The following POR variants were observed in gnomAD, a reference collection of about 807,000 sequenced individuals.
POR encodes cytochrome p450 oxidoreductase.
Under a neutral mutation model 84.0 loss-of-function variants are expected in POR, and 56 were observed. The ratio of observed to expected loss-of-function variants is 0.67; its 90% CI spans 0.54 to 0.83. The LOEUF is 0.83. Among genes scored for constraint, POR ranks in the 40% least tolerant of loss-of-function variants. The probability of loss-of-function intolerance (pLI) is 0.00; values close to 1 mark genes in which losing one functional copy is unlikely to be tolerated. For missense variants in POR, 938 were observed against 944.3 expected (o/e 0.99, Z 0.09); for synonymous variants, 414 against 400.5 (o/e 1.03, Z -0.40).
At chr7:75,984,753 G>C in intron 10 of POR, 24 bp from the exon 11 acceptor site, 1 of 1,610,298 alleles carries the variant, frequency 6.2e-7, no homozygotes, top group East Asian at 2.2e-5. Flanking sequence ...CCTACCCCAA[G>C]TCCTGCCTGT....
At position 75,985,131 on chromosome 7, in the gene POR, G is replaced by A. The variant is rs554641893; in HGVS notation, c.1322G>A (p.Arg441Gln). The change falls in exon 12 of 16, where the codon CGG (arginine) becomes CAG (glutamine). Residue 441 changes from arginine to glutamine, a missense_variant. By Grantham distance (43) the Arg-to-Gln change is conservative. Coordinates refer to ENST00000461988, the MANE Select transcript of POR (RefSeq NM_000941.3). ...ATCCTGCAGGACTGCCCGTCCCTGCGGCCCCCCATCGACCACCTGTGTGAG... is the reference window on the plus strand; with the variant it reads ...ATCCTGCAGGACTGCCCGTCCCTGCAGCCCCCCATCGACCACCTGTGTGAG... The A allele has an allele frequency of 1.1e-5, 17 of 1,600,028 alleles. No individual in the cohort carries two copies. In the Admixed American group the frequency reaches 1.3e-4, roughly 13 times the overall value.
intron 1 of POR, among the ~76,000 whole-genome samples, chr7:75,928,914 A>G (rs1335337599): frequency 6.6e-6 from 1 of 152,100 alleles, no homozygotes; most frequent in Non-Finnish European, 1.5e-5. Flanking sequence ...GAAATGGAGC[A>G]TTAAGCCCTC....
At position 75,942,562 on chromosome 7, in the gene POR, A is replaced by G. The variant is rs527522587; in HGVS notation, c.-4-11427A>G. Among the ~76,000 whole-genome samples, 5 of 151,390 alleles carry G rather than the reference A, an allele frequency of 3.3e-5. No homozygotes were observed. The East Asian group carries it at 9.7e-4, about 29-fold the overall frequency. On this transcript the variant is annotated intron_variant, in intron 1 of 15. Coordinates refer to ENST00000461988, the MANE Select transcript of POR (RefSeq NM_000941.3). ...TTAGATGAGAGCTGCTCAATTGTAC[A>G]GTTAAATGGATTTTAAAATATGGGA...
chr7:75,939,612 C>CT (rs1451543484), intron 1 of POR, among the ~76,000 whole-genome samples: 10 of 94,724 alleles, frequency 1.1e-4, no homozygotes, highest in African/African-American at 3.5e-4. Context: ...TACTCTTTTT[C>CT]TTTTTTTTTC....
chr7:75,983,183 A>C (rs1011354328), intron 8 of POR: 1 of 235,794 alleles, frequency 4.2e-6, no homozygotes, highest in South Asian at 6.6e-5. Flanking sequence ...TCTAGTAAAA[A>C]TATAAAAGTT....
At chr7:75,980,629 C>T (rs1788962830) in intron 5 of POR, 141 bp downstream of exon 5, 1 of 1,576,712 alleles carries the variant, frequency 6.3e-7, no homozygotes, top group East Asian at 2.3e-5. Flanking sequence ...GTGAGACCCT[C>T]TCCTCTGCCC....
At chr7:75,983,956 C>G in intron 10 of POR, 100 bp downstream of exon 10, 3 of 928,036 alleles carry the variant, frequency 3.2e-6, no homozygotes, top group South Asian at 3.7e-5. Context: ...CCTGAAGCCC[C>G]GGTGCCTGGG....
At chr7:75,949,897 C>T (rs1787339562) in intron 1 of POR, among the ~76,000 whole-genome samples, 1 of 149,742 alleles carries the variant, frequency 6.7e-6, no homozygotes, top group Admixed American at 6.7e-5. Flanking sequence ...CTCGCTCTGT[C>T]GCCCAGGCTG....
chr7:75,980,589 C>A (rs782773287), intron 5 of POR, 101 bp downstream of exon 5: 2 of 1,609,124 alleles, frequency 1.2e-6, no homozygotes, highest in South Asian at 1.1e-5. Context: ...AGACCCCCAC[C>A]CTGTCCTCAG....
chr7:75,977,485 AC>A (rs1447072927), intron 3 of POR, among the ~76,000 whole-genome samples: 16 of 152,148 alleles, frequency 1.1e-4, no homozygotes, highest in African/African-American at 3.9e-4. Flanking sequence ...TATTAGAAAT[AC>A]CTCAGGTGGC....
intron 1 of POR, among the ~76,000 whole-genome samples, chr7:75,929,838 G>A (rs1807323520): frequency 6.6e-6 from 1 of 152,180 alleles, no homozygotes; most frequent in South Asian, 2.1e-4. Context: ...CTATGCACTA[G>A]TAGAAACTCT....
In POR at chr7:75,981,565, G is replaced by A. The variant is rs1554557956; in HGVS notation, c.690G>A (p.Val230=). 5 of 1,613,148 alleles carry A rather than the reference G, an allele frequency of 3.1e-6. No individual in the cohort carries two copies. Among genetic ancestry groups the A allele is most frequent in the South Asian group, 2.2e-5 (2 of 90,986 alleles). Residue 230 remains valine (V), a synonymous_variant, in exon 7 of 16, where the codon GTG becomes GTA. Coordinates refer to ENST00000461988, the MANE Select transcript of POR (RefSeq NM_000941.3). ...GGCGAGAGCAGTTCTGGCCGGCCGTGTGTGAACACTTTGGGGTGGAAGCCA... is the reference window on the plus strand; with the variant it reads ...GGCGAGAGCAGTTCTGGCCGGCCGTATGTGAACACTTTGGGGTGGAAGCCA...
Position 75,950,672 on chromosome 7 carries a change from A to G in POR, c.-4-3317A>G, listed in dbSNP as rs74389242. Among the ~76,000 whole-genome samples the G allele has an allele frequency of 3.4e-3, 517 of 152,358 alleles. 3 individuals are homozygous for G. Among genetic ancestry groups the G allele is most frequent in the African/African-American group, 0.01 (432 of 41,582 alleles). On this transcript the variant is annotated intron_variant, in intron 1 of 15. Transcript: ENST00000461988. ...TCATAAGCTTGACAGAGATCCTGAT[A>G]TGACTAGCATTAAGTAAATATTAAA... is the stretch of plus-strand genomic sequence containing the variant.
Position 75,982,338 on chromosome 7 carries a change from GTGGCT to G in POR, c.830+20_830+24del. ...ACCAGAAGCCGTGAGTGGAGGGAGC[GTGGCT>G]TGGGGCAGACGGCTCTATGGCCACT... On this transcript the variant is annotated intron_variant, in intron 8 of 15. Coordinates refer to ENST00000461988, the MANE Select transcript of POR (RefSeq NM_000941.3). The G allele has an allele frequency of 6.3e-7, 1 of 1,599,270 alleles. No individual in the cohort carries two copies. Among genetic ancestry groups the G allele is most frequent in the Admixed American group, 1.7e-5 (1 of 58,038 alleles).
intron 1 of POR, among the ~76,000 whole-genome samples, chr7:75,947,917 TA>T (rs1787252994): frequency 3.9e-5 from 6 of 151,912 alleles, no homozygotes; most frequent in Non-Finnish European, 8.8e-5. Context: ...GGAAAACGGT[TA>T]AGTTTCTTAA....
chr7:75,980,973 C>T, intron 5 of POR, 75 bp from the exon 6 acceptor site: 1 of 1,464,132 alleles, frequency 6.8e-7, no homozygotes, highest in Non-Finnish European at 9.1e-7. Context: ...GTGGGGCCTC[C>T]CGCCCTGCCC....
intron 1 of POR, among the ~76,000 whole-genome samples, chr7:75,928,723 C>T (rs968573833): frequency 2.1e-5 from 3 of 141,798 alleles, no homozygotes; most frequent in Non-Finnish European, 4.5e-5. Flanking sequence ...GGACTTTTTT[C>T]TAGTGCTGTG....
At chr7:75,947,290 T>C (rs1787215149) in intron 1 of POR, 1 of 152,150 alleles carries the variant, frequency 6.6e-6, no homozygotes. Context: ...ATTGATTGAT[T>C]GATTGAGACA....
At chr7:75,983,452 C>T (rs13223707) in intron 8 of POR, 68 bp from the exon 9 acceptor site, 1 of 1,124,702 alleles carries the variant, frequency 8.9e-7, no homozygotes, top group South Asian at 1.3e-5. Flanking sequence ...CAACCAGAAG[C>T]GTCCTTGGAG....
Sources: gnomAD v4.1 joint callset for allele counts (sites outside exome capture counted in the v4.1 genomes callset) on GRCh38, gnomAD v4.1.1 for gene constraint, MANE v1.5 for transcripts, NCBI Gene and HGNC (gene_info 2026-07-23, HGNC 2026-07-21) for gene names.